Variants in PPP2R5E observed in about 807,000 individuals in gnomAD.
PPP2R5E encodes the protein serine/threonine-protein phosphatase 2A 56 kDa regulatory subunit epsilon isoform.
PPP2R5E carries 4 observed loss-of-function variants against 65.3 expected under a neutral mutation model. The observed-to-expected ratio is 0.06, with a 90% CI of 0.03 to 0.14. The LOEUF (loss-of-function observed/expected upper bound fraction) is 0.14. PPP2R5E is among the 10% of genes least tolerant of loss of function. The pLI is 1.00. For missense variants in PPP2R5E, 274 were observed against 556.1 expected (o/e 0.49, Z 5.10); for synonymous variants, 183 against 187.4 (o/e 0.98, Z 0.19).
At chr14:63,395,654 G>A (rs1239362404) in intron 6 of PPP2R5E, among the ~76,000 whole-genome samples, 1 of 8,434 alleles carries the variant, frequency 1.2e-4, no homozygotes, top group African/African-American at 7.4e-4. Context: ...GGAGAAGATG[G>A]GGAGAGAGGG....
chr14:63,506,984 G>A (rs10139904), intron 2 of PPP2R5E, among the ~76,000 whole-genome samples: 19,150 of 152,182 alleles, frequency 0.13, 1,348 homozygotes, highest in East Asian at 0.21. Flanking sequence ...TGACACATGC[G>A]ACAACATGGA....
At chr14:63,395,387 A>AGGGG (rs754022229) in intron 6 of PPP2R5E, 102 bp from the exon 7 acceptor site, 58 of 413,390 alleles carry the variant, frequency 1.4e-4, no homozygotes, top group Non-Finnish European at 2.1e-4. Flanking sequence ...GAGGAGGAGA[A>AGGGG]GAGGAGGAGG....
intron 2 of PPP2R5E, among the ~76,000 whole-genome samples, chr14:63,493,224 ACCCCAAACT>A (rs1202734308): frequency 6.6e-6 from 1 of 150,962 alleles, no homozygotes; most frequent in Non-Finnish European, 1.5e-5. Flanking sequence ...TTTTTTTTTA[ACCCCAAACT>A]CCTGGGCTCA....
chr14:63,531,708 C>A (rs1319119932), intron 2 of PPP2R5E, among the ~76,000 whole-genome samples: 1 of 151,680 alleles, frequency 6.6e-6, no homozygotes, highest in Non-Finnish European at 1.5e-5. Flanking sequence ...AATCCCAGCA[C>A]TTTGGGAGGC....
At chr14:63,454,882 G>C (rs1889035944) in intron 2 of PPP2R5E, among the ~76,000 whole-genome samples, 1 of 152,216 alleles carries the variant, frequency 6.6e-6, no homozygotes. Flanking sequence ...TCCTTAGAAA[G>C]AAGCAGGTGG....
rs189200672 is a variant in PPP2R5E, at chr14:63,413,835, C to A, written c.549+1305G>T. On this transcript the variant is annotated intron_variant, in intron 5 of 13. Transcript: ENST00000337537. ...CTATTTCAGACCTCACTTTTCCAAA[C>A]CCTCTCATGTTAAAGTGTGAGCCAG... Among the ~76,000 whole-genome samples the A allele has an allele frequency of 3.2e-3, 481 of 152,284 alleles. 3 individuals carry two copies. The highest frequency in any genetic ancestry group is 0.015 in the South Asian group (70 of 4,820).
chr14:63,491,269 A>C lies in PPP2R5E; in HGVS notation c.158-37384T>G, dbSNP rs1891272347. Among the ~76,000 whole-genome samples, 3 of 152,152 alleles carry C rather than the reference A, an allele frequency of 2.0e-5. No homozygotes were observed. The South Asian group carries it at 6.2e-4, about 31-fold the overall frequency. On this transcript the variant is annotated intron_variant, in intron 2 of 13. Coordinates refer to ENST00000337537, the MANE Select transcript of PPP2R5E (RefSeq NM_006246.5). ...CAAGGGTTGAAAAACTACCCACTGG[A>C]TACTATGTTCACTATTTGGATAACA... is the stretch of plus-strand genomic sequence containing the variant.
At chr14:63,532,488 G>A (rs1893476010) in intron 2 of PPP2R5E, among the ~76,000 whole-genome samples, 1 of 152,008 alleles carries the variant, frequency 6.6e-6, no homozygotes, top group African/African-American at 2.4e-5. Context: ...AACGTTTGTG[G>A]CTGCAAAATT....
intron 11 of PPP2R5E, among the ~76,000 whole-genome samples, chr14:63,388,351 G>A (rs1884803664): frequency 6.6e-6 from 1 of 152,138 alleles, no homozygotes; most frequent in Non-Finnish European, 1.5e-5. Flanking sequence ...ATGGTGGCCA[G>A]GCTGGTCGCA....
intron 2 of PPP2R5E, among the ~76,000 whole-genome samples, chr14:63,468,569 G>C (rs573348884): frequency 1.3e-5 from 2 of 152,316 alleles, no homozygotes; most frequent in East Asian, 3.9e-4. Context: ...GGACAGAGAA[G>C]CTAGAATTTA....
chr14:63,389,639 G>C lies in PPP2R5E; in HGVS notation c.1047C>G (p.Ala349=). Residue 349 remains alanine, a synonymous_variant, in exon 11 of 14, where the codon GCC becomes GCG. Transcript: ENST00000337537. ...KIQEPLFKQI[A]KCVSSPHFQV... ...GAAAATGGGGGCTAGATACACACTTGGCGATTTGTTTAAACAAAGGTTCTT... is the reference window on the plus strand; with the variant it reads ...GAAAATGGGGGCTAGATACACACTTCGCGATTTGTTTAAACAAAGGTTCTT... 1 of 1,610,968 alleles carries C rather than the reference G, an allele frequency of 6.2e-7. No individual in the cohort carries two copies. Among genetic ancestry groups the C allele is most frequent in the South Asian group, 1.1e-5 (1 of 90,434 alleles).
chr14:63,525,042 T>C (rs773339940), intron 2 of PPP2R5E, among the ~76,000 whole-genome samples: 3 of 152,218 alleles, frequency 2.0e-5, no homozygotes, highest in Non-Finnish European at 2.9e-5. Flanking sequence ...CCCCTGGCTC[T>C]CTCTGCACGA....
chr14:63,399,407 G>C (rs71414491), intron 5 of PPP2R5E, among the ~76,000 whole-genome samples: 16 of 91,718 alleles, frequency 1.7e-4, no homozygotes, highest in African/African-American at 7.1e-4. Context: ...TTGAGACAGA[G>C]TCTTGCTCTG....
chr14:63,534,423 T>C (rs1274287935), intron 2 of PPP2R5E, among the ~76,000 whole-genome samples: 1 of 151,820 alleles, frequency 6.6e-6, no homozygotes, highest in East Asian at 1.9e-4. Flanking sequence ...CACCACTACA[T>C]CCACGAATTT....
chr14:63,374,832 CAA>C lies in PPP2R5E; in HGVS notation c.*1175_*1176del, dbSNP rs1883899763. The stretch of plus-strand genomic sequence containing the variant: ...GCATTTGTAGAACCACTTTTGGTAA[CAA>C]ATACAGTAGTTAGGAATATGCATCC... On this transcript the variant is annotated 3_prime_UTR_variant, in exon 14 of 14. Coordinates refer to ENST00000337537, the MANE Select transcript of PPP2R5E (RefSeq NM_006246.5). 1 of 151,600 alleles carries C rather than the reference CAA, an allele frequency of 6.6e-6. No individual in the cohort carries two copies. The highest frequency in any genetic ancestry group is 1.9e-4 in the East Asian group (1 of 5,174). 9.4% of individuals were successfully genotyped at this position (151,600 alleles called of 1,614,324 possible). A position where few individuals can be genotyped will look rare whatever the true frequency, so the allele number is the denominator to read the frequency against.
rs750438698 is a variant in PPP2R5E at position 63,397,724 on chromosome 14, C to CT, written c.550-1009dup. ...TCTGTTGTATGTTATATGTGAATAA[C>CT]TTTTTTTTTTTTTTTTTGAGATGGA... is the stretch of plus-strand genomic sequence containing the variant. On this transcript the variant is annotated intron_variant, in intron 5 of 13. Coordinates refer to ENST00000337537, the MANE Select transcript of PPP2R5E (RefSeq NM_006246.5). Among the ~76,000 whole-genome samples the CT allele has an allele frequency of 6.0e-3, 827 of 138,810 alleles. 5 individuals carry two copies. Among genetic ancestry groups the CT allele is most frequent in the Middle Eastern group, 0.018 (5 of 280 alleles). 91.1% of individuals were successfully genotyped at this position (138,810 alleles called of 152,430 possible).
intron 2 of PPP2R5E, among the ~76,000 whole-genome samples, chr14:63,458,622 ATAAGT>A (rs1889277910): frequency 6.6e-6 from 1 of 152,222 alleles, no homozygotes; most frequent in Non-Finnish European, 1.5e-5. Context: ...CTTTTAAAAA[ATAAGT>A]TAATAAAGAA....
intron 4 of PPP2R5E, among the ~76,000 whole-genome samples, 168 bp downstream of exon 4, chr14:63,421,825 T>C (rs1178910845): frequency 6.6e-6 from 1 of 152,224 alleles, no homozygotes; most frequent in Non-Finnish European, 1.5e-5. Flanking sequence ...TTTATTCTTT[T>C]GGCATTCTAA....
intron 2 of PPP2R5E, among the ~76,000 whole-genome samples, chr14:63,488,926 A>C (rs1891146697): frequency 6.6e-6 from 1 of 151,820 alleles, no homozygotes; most frequent in Admixed American, 6.6e-5. Context: ...CATGAAAGCT[A>C]TCATGGAACT....
Sources: gnomAD v4.1 joint callset for allele counts (sites outside exome capture counted in the v4.1 genomes callset) on GRCh38, gnomAD v4.1.1 for gene constraint, MANE v1.5 for transcripts, NCBI Gene and HGNC (gene_info 2026-07-23, HGNC 2026-07-21) for gene names.